Variants in EPB41 observed in about 807,000 individuals in gnomAD.
EPB41 encodes the protein protein 4.1.
In EPB41, 65 loss-of-function variants were observed where a neutral mutation model predicts 108.0. The ratio of observed to expected loss-of-function variants is 0.60; its 90% CI spans 0.49 to 0.74. The LOEUF (loss-of-function observed/expected upper bound fraction) is 0.74, where lower values mean the gene tolerates loss of function less well. Among genes scored for constraint, EPB41 ranks in the 30% least tolerant of loss-of-function variants. EPB41 has a pLI of 0.00. For missense variants in EPB41, 875 were observed against 1,037.0 expected (o/e 0.84, Z 2.15); for synonymous variants, 336 against 358.9 (o/e 0.94, Z 0.72).
At position 29,066,979 on chromosome 1, in the gene EPB41, CT is replaced by C. The variant is rs111984130; in HGVS notation, c.2184+1833del. Among the ~76,000 whole-genome samples, 822 of 144,544 alleles carry C rather than the reference CT, an allele frequency of 5.7e-3. 4 individuals are homozygous for C. Among genetic ancestry groups the C allele is most frequent in the African/African-American group, 0.016 (655 of 39,914 alleles). 94.8% of individuals were successfully genotyped at this position (144,544 alleles called of 152,430 possible). On this transcript the variant is annotated intron_variant, in intron 16 of 20. Transcript: ENST00000343067. ...CATGAGCCACCGTGCCCAGCTAAAA[CT>C]TTTTTTTTTTTAAATTTTCAGAATT...
intron 5 of EPB41, among the ~76,000 whole-genome samples, chr1:29,015,346 T>C (rs1572486478): frequency 6.6e-6 from 1 of 151,302 alleles, no homozygotes; most frequent in Non-Finnish European, 1.5e-5. Flanking sequence ...TCGCCTGAGG[T>C]TGGGAGTTTG....
chr1:29,069,477 A>G (rs1650198149), intron 16 of EPB41: 1 of 1,200,182 alleles, frequency 8.3e-7, no homozygotes. Flanking sequence ...CCTTGGAGGG[A>G]CATTATAAAC....
Position 28,988,822 on chromosome 1 carries a change from C to T in EPB41, c.468+917C>T, listed in dbSNP as rs191870827. On this transcript the variant is annotated intron_variant, in intron 2 of 20. Transcript: ENST00000343067. Reference sequence around the variant, plus strand: ...CCACCTCAGCCTCCTGAGCAGCTGGCATTACAGGTGTGTACCACCATGCCT... The same window carrying T: ...CCACCTCAGCCTCCTGAGCAGCTGGTATTACAGGTGTGTACCACCATGCCT... Among the ~76,000 whole-genome samples, 10 of 152,200 alleles carry T rather than the reference C, an allele frequency of 6.6e-5. No homozygotes were observed. The East Asian group carries it at 1.9e-3, about 29-fold the overall frequency.
At chr1:28,933,822 G>GT (rs2093864256) in intron 1 of EPB41, among the ~76,000 whole-genome samples, 1 of 152,016 alleles carries the variant, frequency 6.6e-6, no homozygotes, top group Non-Finnish European at 1.5e-5. Flanking sequence ...CACACACACG[G>GT]TTTTAGATTT....
chr1:29,053,548 T>A (rs1307478322), intron 12 of EPB41: 7 of 461,236 alleles, frequency 1.5e-5, no homozygotes, highest in African/African-American at 1.2e-4. Flanking sequence ...TTGACCCAAC[T>A]ATTATTTTTA....
intron 16 of EPB41, among the ~76,000 whole-genome samples, chr1:29,095,565 G>GT (rs1662911578): frequency 6.6e-6 from 1 of 152,158 alleles, no homozygotes; most frequent in Non-Finnish European, 1.5e-5. Context: ...GAGGCCAGGA[G>GT]TTTGAGATCA....
rs148784877 is a variant in EPB41 at position 29,030,458 on chromosome 1, A to G, written c.1183A>G (p.Met395Val). The G allele has an allele frequency of 2.6e-5, 42 of 1,614,098 alleles. No individual in the cohort carries two copies. Among genetic ancestry groups the G allele is most frequent in the Middle Eastern group, 1.6e-4 (1 of 6,062 alleles). ...TCTTGAGAATGCCAAAAAGTTGTCT[A>G]TGTATGGAGTTGATCTTCATAAAGC... ...EFLENAKKLS[M>V]YGVDLHKAKD... The change falls in exon 8 of 21, where the codon ATG becomes GTG. Residue 395 changes from methionine to valine, a missense_variant. Physicochemically the swap from Met to Val is conservative, Grantham distance 21 (BLOSUM62 1). Transcript: ENST00000343067.
chr1:29,021,881 G>A (rs1361780796), intron 7 of EPB41, among the ~76,000 whole-genome samples: 1 of 151,956 alleles, frequency 6.6e-6, no homozygotes, highest in Non-Finnish European at 1.5e-5. Context: ...CGCGCCCGGT[G>A]GCCATCTTTT....
chr1:28,941,671 G>A (rs546734776), intron 1 of EPB41, among the ~76,000 whole-genome samples: 5 of 152,026 alleles, frequency 3.3e-5, no homozygotes, highest in East Asian at 1.9e-4. Flanking sequence ...CGAGGCGGGC[G>A]GATCACCTGA....
At chr1:29,069,119 A>G (rs2151076484) in intron 16 of EPB41, 1 of 1,210,616 alleles carries the variant, frequency 8.3e-7, no homozygotes, top group African/African-American at 1.6e-5. Flanking sequence ...AAAAATCATC[A>G]TAATTTTGCA....
intron 1 of EPB41, among the ~76,000 whole-genome samples, chr1:28,965,720 C>T (rs2095339985): frequency 6.6e-6 from 1 of 152,036 alleles, no homozygotes; most frequent in Admixed American, 6.6e-5. Flanking sequence ...AAACTCATTA[C>T]CATTTGTAGT....
chr1:29,091,831 A>G (rs181803373), intron 16 of EPB41, among the ~76,000 whole-genome samples: 2 of 152,310 alleles, frequency 1.3e-5, no homozygotes, highest in South Asian at 2.1e-4. Context: ...TATGAATTCA[A>G]CTAGTGCCAG....
chr1:28,943,032 C>G (rs1404371615), intron 1 of EPB41, among the ~76,000 whole-genome samples: 1 of 152,090 alleles, frequency 6.6e-6, no homozygotes, highest in Non-Finnish European at 1.5e-5. Context: ...ATTGGGAAAT[C>G]TTACTGTCAT....
chr1:28,925,190 C>T (rs541653321), intron 1 of EPB41, among the ~76,000 whole-genome samples: 72 of 152,226 alleles, frequency 4.7e-4, no homozygotes, highest in Non-Finnish European at 9.6e-4. Context: ...GTCCCGAACT[C>T]CTGACCTTGT....
intron 16 of EPB41, chr1:29,071,018 A>C (rs764770847): frequency 6.4e-6 from 1 of 157,404 alleles, no homozygotes; most frequent in Non-Finnish European, 1.4e-5. Context: ...CTAATCCTCT[A>C]TAGTCATTTG....
In EPB41 at chr1:28,942,842, A is replaced by G. The variant is rs182554541; in HGVS notation, c.-8+28074A>G. 1.1e-3 allele frequency among the ~76,000 whole-genome samples: 169 copies of G among 152,282 alleles called. 2 individuals carry two copies. Among genetic ancestry groups the G allele is most frequent in the Middle Eastern group, 0.01 (3 of 294 alleles). The stretch of plus-strand genomic sequence containing the variant: ...ATCCTGGAACCCCAGCCATCACTCA[A>G]TTCATTAGTATTCACAGAGACCCTT... On this transcript the variant is annotated intron_variant, in intron 1 of 20. Transcript: ENST00000343067.
At chr1:29,078,515 T>C (rs1655044399) in intron 16 of EPB41, among the ~76,000 whole-genome samples, 1 of 152,018 alleles carries the variant, frequency 6.6e-6, no homozygotes, top group Non-Finnish European at 1.5e-5. Context: ...TCCCAGCGCT[T>C]TGGGAGGCTG....
chr1:29,015,581 A>G, intron 5 of EPB41, 111 bp from the exon 6 acceptor site: 1 of 786,734 alleles, frequency 1.3e-6, no homozygotes, highest in Non-Finnish European at 2.1e-6. Context: ...TCTCAAAGAA[A>G]AAAAAAAAAG....
chr1:28,908,454 T>C (rs1449106120), intron 1 of EPB41, among the ~76,000 whole-genome samples: 2 of 149,976 alleles, frequency 1.3e-5, no homozygotes, highest in Admixed American at 1.3e-4. Context: ...TTTTTTGAGA[T>C]AGAGTCTTGC....
Sources: gnomAD v4.1 joint callset for allele counts (sites outside exome capture counted in the v4.1 genomes callset) on GRCh38, gnomAD v4.1.1 for gene constraint, MANE v1.5 for transcripts, NCBI Gene and HGNC (gene_info 2026-07-23, HGNC 2026-07-21) for gene names.